The following GIPC2 variants were observed in gnomAD, a reference collection of about 807,000 sequenced individuals.
The protein encoded by GIPC2 is GIPC PDZ domain containing family member 2, also known as PDZ domain-containing protein GIPC2.
GIPC2 carries 30 observed loss-of-function variants against 30.6 expected under a neutral mutation model. The observed-to-expected ratio is 0.98, with a 90% CI of 0.73 to 1.33. The LOEUF (loss-of-function observed/expected upper bound fraction) is 1.33, where lower values mean the gene tolerates loss of function less well. Ranked by LOEUF, GIPC2 falls within the 40% of genes most tolerant of loss-of-function variation. GIPC2 has a pLI of 0.00. For missense variants in GIPC2, 414 were observed against 390.3 expected (o/e 1.06, Z -0.51); for synonymous variants, 167 against 150.0 (o/e 1.11, Z -0.83).
At chr1:78,077,777 T>G (rs554062885) in intron 1 of GIPC2, among the ~76,000 whole-genome samples, 42 of 152,352 alleles carry the variant, frequency 2.8e-4, no homozygotes, top group African/African-American at 8.4e-4. Context: ...TTTATTGTTT[T>G]CATATGAGTA....
chr1:78,052,984 A>G (rs1855704), intron 1 of GIPC2, among the ~76,000 whole-genome samples: 133,915 of 152,212 alleles, frequency 0.88, 59,064 homozygotes, highest in Middle Eastern at 0.93. Flanking sequence ...ATGGGAAACT[A>G]GGACGAATAG....
intron 1 of GIPC2, among the ~76,000 whole-genome samples, chr1:78,075,306 A>G (rs1661697198): frequency 6.6e-6 from 1 of 152,166 alleles, no homozygotes; most frequent in Non-Finnish European, 1.5e-5. Context: ...AAATAAAAAA[A>G]TTAGCTGTGT....
chr1:78,069,516 C>T lies in GIPC2; in HGVS notation c.241-11159C>T, dbSNP rs1182147064. 8.0e-5 allele frequency among the ~76,000 whole-genome samples: 12 copies of T among 149,370 alleles called. No homozygotes were observed. The East Asian group carries it at 2.4e-3, about 30-fold the overall frequency. ...TTTTTGAGACAGAGTCTCTATCTCC[C>T]AGGCTGGAGTGCAGTGGTACAATCT... On this transcript the variant is annotated intron_variant, in intron 1 of 5. Transcript: ENST00000370759.
intron 5 of GIPC2, among the ~76,000 whole-genome samples, chr1:78,132,003 A>G (rs1306727541): frequency 1.3e-5 from 2 of 152,238 alleles, no homozygotes; most frequent in Non-Finnish European, 2.9e-5. Context: ...TTTTAATCCC[A>G]GCTCTTACCA....
chr1:78,060,781 A>G (rs781445671), intron 1 of GIPC2, among the ~76,000 whole-genome samples: 4 of 151,772 alleles, frequency 2.6e-5, no homozygotes, highest in Non-Finnish European at 5.9e-5. Context: ...CACTTTCTTT[A>G]CTGTCCTTCC....
At chr1:78,083,049 C>G (rs879561523) in intron 2 of GIPC2, among the ~76,000 whole-genome samples, 1 of 152,114 alleles carries the variant, frequency 6.6e-6, no homozygotes, top group Non-Finnish European at 1.5e-5. Flanking sequence ...GAAATTCATA[C>G]AGTCTAATAT....
Position 78,050,666 on chromosome 1 carries a change from G to A in GIPC2, c.240+4332G>A, listed in dbSNP as rs556966421. ...TTCTTTTTTTTGTGACGGGAGTCTC[G>A]CTCTGTCGCCCAGGCTGGAGTGCAG... On this transcript the variant is annotated intron_variant, in intron 1 of 5. Coordinates refer to ENST00000370759, the MANE Select transcript of GIPC2 (RefSeq NM_017655.6). Among the ~76,000 whole-genome samples, 4 of 147,190 alleles carry A rather than the reference G, an allele frequency of 2.7e-5. No individual in the cohort carries two copies. The Admixed American group carries it at 2.7e-4, about 10-fold the overall frequency.
chr1:78,072,811 A>G (rs902500974), intron 1 of GIPC2, among the ~76,000 whole-genome samples: 9 of 151,694 alleles, frequency 5.9e-5, no homozygotes, highest in Admixed American at 1.3e-4. Context: ...TTTCTCTCTT[A>G]TTATTATTTT....
intron 2 of GIPC2, among the ~76,000 whole-genome samples, chr1:78,089,519 TTTTG>T (rs1661997444): frequency 6.6e-6 from 1 of 152,336 alleles, no homozygotes; most frequent in Admixed American, 6.5e-5. Flanking sequence ...AAACTGGTTT[TTTTG>T]TTTGTTTGTT....
chr1:78,129,840 G>T (rs1306720083), intron 5 of GIPC2, among the ~76,000 whole-genome samples: 3 of 152,156 alleles, frequency 2.0e-5, no homozygotes, highest in Non-Finnish European at 4.4e-5. Flanking sequence ...GTTTTCTGAT[G>T]ATACCAATTT....
chr1:78,070,456 T>A (rs1165012723), intron 1 of GIPC2, among the ~76,000 whole-genome samples: 1 of 152,204 alleles, frequency 6.6e-6, no homozygotes, highest in Admixed American at 6.5e-5. Context: ...CATGCAATGT[T>A]GCAGCATTAT....
intron 1 of GIPC2, among the ~76,000 whole-genome samples, chr1:78,064,167 C>G (rs2102643590): frequency 6.6e-6 from 1 of 152,326 alleles, no homozygotes; most frequent in East Asian, 1.9e-4. Flanking sequence ...CCTTGATTTA[C>G]ATGGTAATTG....
intron 2 of GIPC2, among the ~76,000 whole-genome samples, chr1:78,081,344 G>GAAAAAATGGCA (rs1661825628): frequency 6.6e-6 from 1 of 152,104 alleles, no homozygotes; most frequent in South Asian, 2.1e-4. Context: ...AAAGGTAGTT[G>GAAAAAATGGCA]AAAAAATGGC....
chr1:78,078,734 T>TTA (rs1661766071), intron 1 of GIPC2, among the ~76,000 whole-genome samples: 1 of 152,098 alleles, frequency 6.6e-6, no homozygotes, highest in Admixed American at 6.6e-5. Context: ...CTCTATCCTG[T>TTA]TATACCATCA....
intron 2 of GIPC2, chr1:78,094,714 TCTCTAACTGAGCA>T: frequency 3.4e-6 from 1 of 295,590 alleles, no homozygotes; most frequent in Non-Finnish European, 6.3e-6. Context: ...CAGTCTTCCA[TCTCTAACTGAGCA>T]TCAGACTGCA....
Position 78,046,002 on chromosome 1 carries a change from C to G in GIPC2, c.-93C>G. The G allele has an allele frequency of 7.2e-7, 1 of 1,392,926 alleles. No individual in the cohort carries two copies. 86.3% of individuals were successfully genotyped at this position (1,392,926 alleles called of 1,614,324 possible). On this transcript the variant is annotated 5_prime_UTR_variant, in exon 1 of 6. Coordinates refer to ENST00000370759, the MANE Select transcript of GIPC2 (RefSeq NM_017655.6). ...CGGCTGCCATTGGAGGCTGCTTTTA[C>G]CTGCGCGGGGCCCGGGGCGCAAAGT...
chr1:78,076,038 C>T (rs1395228885), intron 1 of GIPC2, among the ~76,000 whole-genome samples: 1 of 152,176 alleles, frequency 6.6e-6, no homozygotes, highest in Non-Finnish European at 1.5e-5. Flanking sequence ...AAGTGAGGGA[C>T]ACAGAACCAC....
intron 1 of GIPC2, among the ~76,000 whole-genome samples, chr1:78,055,591 T>G (rs922759784): frequency 1.5e-4 from 23 of 152,194 alleles, no homozygotes; most frequent in African/African-American, 5.1e-4. Flanking sequence ...TCCTCTTGAC[T>G]TTGCTCCTCC....
intron 1 of GIPC2, among the ~76,000 whole-genome samples, chr1:78,050,030 G>A (rs1202419959): frequency 3.3e-5 from 5 of 151,626 alleles, no homozygotes; most frequent in Non-Finnish European, 7.4e-5. Flanking sequence ...CTGAATAGCT[G>A]GGATTACAGG....
Sources: gnomAD v4.1 joint callset for allele counts (sites outside exome capture counted in the v4.1 genomes callset) on GRCh38, gnomAD v4.1.1 for gene constraint, MANE v1.5 for transcripts, NCBI Gene and HGNC (gene_info 2026-07-23, HGNC 2026-07-21) for gene names.